The following PLA2G4A variants were observed in gnomAD, a reference collection of about 807,000 sequenced individuals.
The protein encoded by PLA2G4A is phospholipase A2 group IVA.
Under a neutral mutation model 81.9 loss-of-function variants are expected in PLA2G4A, and 40 were observed. That is an observed-to-expected ratio of 0.49 (90% CI 0.38 to 0.64). The LOEUF is 0.64. PLA2G4A is among the 30% of genes least tolerant of loss of function. PLA2G4A has a pLI of 0.00. For missense variants in PLA2G4A, 715 were observed against 905.1 expected, an observed-to-expected ratio of 0.79 and a Z score of 2.69; for synonymous variants, 302 against 296.9, an observed-to-expected ratio of 1.02 and a Z score of -0.18.
chr1:186,885,117 G>A lies in PLA2G4A; in HGVS notation c.116-7894G>A, dbSNP rs180937855. On this transcript the variant is annotated intron_variant, in intron 3 of 17. Coordinates refer to ENST00000367466, the MANE Select transcript of PLA2G4A (RefSeq NM_024420.3). Reference sequence around the variant, plus strand: ...AAATAAGTTGATTTTGAGAAGCCAAGTTCCTTGAGAGAAAGCCTAGAGAAG... The same window carrying A: ...AAATAAGTTGATTTTGAGAAGCCAAATTCCTTGAGAGAAAGCCTAGAGAAG... 4.9e-4 allele frequency among the ~76,000 whole-genome samples: 75 copies of A among 152,244 alleles called. 1 individual carries two copies. The highest frequency in any genetic ancestry group is 1.9e-4 in the East Asian group (1 of 5,172).
At position 186,988,945 on chromosome 1, in the gene PLA2G4A, A is replaced by C. The variant is rs1482685300; in HGVS notation, c.*437A>C. ...TATTTTTATTTATATATGCATATAT[A>C]TACATACATGAAATAAATACATCAA... is the stretch of plus-strand genomic sequence containing the variant. On this transcript the variant is annotated 3_prime_UTR_variant, in exon 18 of 18. Transcript: ENST00000367466. 6.4e-6 allele frequency: 1 copy of C among 155,872 alleles called. No individual in the cohort carries two copies. The highest frequency in any genetic ancestry group is 2.4e-5 in the African/African-American group (1 of 41,442). The allele number at this position is 155,872 out of a possible 1,614,324, so 9.7% of individuals were successfully genotyped here.
chr1:186,847,017 T>C (rs1230641227), intron 1 of PLA2G4A, among the ~76,000 whole-genome samples: 2 of 152,030 alleles, frequency 1.3e-5, no homozygotes, highest in Non-Finnish European at 2.9e-5. Flanking sequence ...TTAGATAGGA[T>C]TATAATTTAT....
intron 3 of PLA2G4A, among the ~76,000 whole-genome samples, chr1:186,889,235 A>C (rs950760630): frequency 3.9e-5 from 6 of 152,174 alleles, no homozygotes; most frequent in African/African-American, 1.4e-4. Context: ...TAGAAATGAG[A>C]ATGACTGGCT....
At chr1:186,882,836 C>T (rs1653784968) in intron 3 of PLA2G4A, among the ~76,000 whole-genome samples, 1 of 151,988 alleles carries the variant, frequency 6.6e-6, no homozygotes, top group African/African-American at 2.4e-5. Flanking sequence ...ATGTTAACAT[C>T]ATTTTGCAAG....
At chr1:186,937,805 G>T (rs182938558) in intron 8 of PLA2G4A, among the ~76,000 whole-genome samples, 1 of 151,536 alleles carries the variant, frequency 6.6e-6, no homozygotes, top group Admixed American at 6.6e-5. Flanking sequence ...GGGAATATGA[G>T]CATGTTATTT....
chr1:186,958,818 T>G (rs963046182), intron 14 of PLA2G4A, among the ~76,000 whole-genome samples: 2 of 152,202 alleles, frequency 1.3e-5, no homozygotes, highest in Admixed American at 6.5e-5. Flanking sequence ...TTCCTGGAAG[T>G]TTTGCAATAT....
At chr1:186,952,680 T>A (rs1656602787) in intron 13 of PLA2G4A, among the ~76,000 whole-genome samples, 1 of 151,924 alleles carries the variant, frequency 6.6e-6, no homozygotes, top group Non-Finnish European at 1.5e-5. Context: ...CACACTAGTT[T>A]CACTGCTCTA....
intron 17 of PLA2G4A, among the ~76,000 whole-genome samples, chr1:186,981,561 T>C (rs1657718518): frequency 6.6e-6 from 1 of 152,218 alleles, no homozygotes; most frequent in Non-Finnish European, 1.5e-5. Flanking sequence ...TTTATTGTTA[T>C]AAAATATACA....
At chr1:186,965,691 A>C (rs1657104559) in intron 15 of PLA2G4A, 98 bp downstream of exon 15, 1 of 872,224 alleles carries the variant, frequency 1.1e-6, no homozygotes, top group Non-Finnish European at 2.0e-6. Flanking sequence ...TATTCCTTTA[A>C]TGTATTTTCT....
intron 3 of PLA2G4A, among the ~76,000 whole-genome samples, chr1:186,891,280 A>G (rs1316408548): frequency 6.6e-6 from 1 of 152,156 alleles, no homozygotes; most frequent in Non-Finnish European, 1.5e-5. Flanking sequence ...CATCCTCTGA[A>G]GCATTTATGA....
chr1:186,959,967 T>C (rs1044487488), intron 14 of PLA2G4A, among the ~76,000 whole-genome samples: 1 of 152,160 alleles, frequency 6.6e-6, no homozygotes, highest in Non-Finnish European at 1.5e-5. Flanking sequence ...TAACCTATGA[T>C]GATTTTGTTT....
At chr1:186,889,727 AT>A (rs1654067493) in intron 3 of PLA2G4A, among the ~76,000 whole-genome samples, 1 of 151,720 alleles carries the variant, frequency 6.6e-6, no homozygotes, top group Non-Finnish European at 1.5e-5. Context: ...AGAAACTATT[AT>A]TTTTGCTTTT....
chr1:186,906,352 C>T (rs575342114), intron 5 of PLA2G4A, among the ~76,000 whole-genome samples: 2 of 152,292 alleles, frequency 1.3e-5, no homozygotes, highest in East Asian at 3.9e-4. Flanking sequence ...TGTCCTCCTT[C>T]AATATGTTTG....
At chr1:186,888,385 C>T (rs1403810864) in intron 3 of PLA2G4A, among the ~76,000 whole-genome samples, 1 of 152,092 alleles carries the variant, frequency 6.6e-6, no homozygotes, top group Non-Finnish European at 1.5e-5. Context: ...TTCCTTTTCC[C>T]ATCTGGTGCC....
intron 3 of PLA2G4A, among the ~76,000 whole-genome samples, chr1:186,875,193 AG>A (rs1192028575): frequency 1.3e-5 from 2 of 152,142 alleles, no homozygotes; most frequent in Admixed American, 1.3e-4. Context: ...TGAGATCTAT[AG>A]GACTTGTGAG....
At chr1:186,933,538 G>C (rs1379730858) in intron 8 of PLA2G4A, among the ~76,000 whole-genome samples, 1 of 151,930 alleles carries the variant, frequency 6.6e-6, no homozygotes, top group Non-Finnish European at 1.5e-5. Context: ...CATACTTTTT[G>C]GTTTGCTTAC....
intron 15 of PLA2G4A, among the ~76,000 whole-genome samples, chr1:186,968,900 T>TAA (rs11399679): frequency 8.0e-5 from 12 of 150,868 alleles, no homozygotes; most frequent in African/African-American, 2.4e-4. Flanking sequence ...AAAGACGAAG[T>TAA]AAAAAAAAAT....
chr1:186,867,837 G>A (rs1169669905), intron 2 of PLA2G4A, among the ~76,000 whole-genome samples: 1 of 151,920 alleles, frequency 6.6e-6, no homozygotes, highest in Non-Finnish European at 1.5e-5. Context: ...TAGGTTTTTT[G>A]TAGATGTCCT....
intron 5 of PLA2G4A, among the ~76,000 whole-genome samples, chr1:186,902,879 CAAAAAAAAAA>C (rs72003812): frequency 1.8e-4 from 18 of 99,462 alleles, no homozygotes; most frequent in Non-Finnish European, 3.4e-4. Context: ...CTTTATTGCT[CAAAAAAAAAA>C]AAAAGAAAAA....
Sources: gnomAD v4.1 joint callset for allele counts (sites outside exome capture counted in the v4.1 genomes callset) on GRCh38, gnomAD v4.1.1 for gene constraint, MANE v1.5 for transcripts, NCBI Gene and HGNC (gene_info 2026-07-23, HGNC 2026-07-21) for gene names.